The following SKAP2 variants were observed in gnomAD, a reference collection of about 807,000 sequenced individuals.
The protein encoded by SKAP2 is src kinase-associated phosphoprotein 2.
SKAP2 carries 28 observed loss-of-function variants against 54.9 expected under a neutral mutation model. The ratio of observed to expected loss-of-function variants is 0.51; its 90% CI spans 0.38 to 0.70. SKAP2 has a LOEUF of 0.70. SKAP2 is among the 30% of genes least tolerant of loss of function. SKAP2 has a pLI of 0.00. For missense variants in SKAP2, 356 were observed against 424.1 expected, an observed-to-expected ratio of 0.84 and a Z score of 1.41; for synonymous variants, 137 against 134.3, an observed-to-expected ratio of 1.02 and a Z score of -0.14.
At chr7:26,760,273 T>C (rs1782896948) in intron 4 of SKAP2, among the ~76,000 whole-genome samples, 1 of 152,126 alleles carries the variant, frequency 6.6e-6, no homozygotes, top group Admixed American at 6.5e-5. Context: ...GTCAAAGTAA[T>C]AGTAGAAAAT....
At chr7:26,730,075 G>A (rs1025991197) in intron 6 of SKAP2, among the ~76,000 whole-genome samples, 1 of 152,122 alleles carries the variant, frequency 6.6e-6, no homozygotes, top group Non-Finnish European at 1.5e-5. Context: ...TAACCATGAA[G>A]TAGCCATATC....
intron 11 of SKAP2, among the ~76,000 whole-genome samples, chr7:26,677,092 C>A (rs1786365234): frequency 6.6e-6 from 1 of 152,126 alleles, no homozygotes; most frequent in African/African-American, 2.4e-5. Context: ...GGCTGCCTAC[C>A]ATTCTCCAAG....
chr7:26,859,768 G>T (rs146108332), intron 1 of SKAP2, among the ~76,000 whole-genome samples: 2 of 152,122 alleles, frequency 1.3e-5, no homozygotes, highest in African/African-American at 4.8e-5. Context: ...TAACACATTA[G>T]TCTGAGATTT....
intron 4 of SKAP2, among the ~76,000 whole-genome samples, chr7:26,806,153 C>T (rs1283693274): frequency 6.6e-6 from 1 of 152,176 alleles, no homozygotes; most frequent in Non-Finnish European, 1.5e-5. Flanking sequence ...GTCTCTCTCC[C>T]TCTCCTTGGG....
intron 9 of SKAP2, among the ~76,000 whole-genome samples, chr7:26,705,709 T>G (rs1043279558): frequency 1.3e-5 from 2 of 152,174 alleles, no homozygotes; most frequent in African/African-American, 4.8e-5. Context: ...ATACACTACT[T>G]GGCATGTGTC....
chr7:26,814,440 A>G (rs1173241055), intron 4 of SKAP2, among the ~76,000 whole-genome samples: 2 of 152,082 alleles, frequency 1.3e-5, no homozygotes, highest in Non-Finnish European at 2.9e-5. Flanking sequence ...ACAGCAATTT[A>G]GCTGTATATT....
intron 11 of SKAP2, among the ~76,000 whole-genome samples, chr7:26,682,510 T>C (rs985310543): frequency 1.3e-5 from 2 of 152,216 alleles, no homozygotes; most frequent in Non-Finnish European, 1.5e-5. Flanking sequence ...TGAACCTTAT[T>C]CAGCCAAAGG....
chr7:26,659,305 T>C, the SKAP2 span, among the ~76,000 whole-genome samples: 1 of 152,146 alleles, frequency 6.6e-6, no homozygotes, highest in South Asian at 2.1e-4. Context: ...GGGCTCCATG[T>C]CCATCTCACT....
intron 1 of SKAP2, chr7:26,857,849 G>A (rs2127999298): frequency 4.5e-6 from 2 of 445,194 alleles, no homozygotes; most frequent in Non-Finnish European, 6.0e-6. Context: ...TTCTTATTGT[G>A]CTCTAAATAG....
At chr7:26,688,782 A>G (rs933698682) in intron 10 of SKAP2, among the ~76,000 whole-genome samples, 4 of 152,164 alleles carry the variant, frequency 2.6e-5, no homozygotes, top group African/African-American at 7.2e-5. Context: ...GAAAAATACA[A>G]TTGCTTTAAG....
chr7:26,754,871 T>C (rs756618086), intron 4 of SKAP2, among the ~76,000 whole-genome samples: 1 of 152,160 alleles, frequency 6.6e-6, no homozygotes. Flanking sequence ...TGCTCATAAA[T>C]ATGTGAAATA....
At chr7:26,833,948 G>A (rs1784653282) in intron 4 of SKAP2, among the ~76,000 whole-genome samples, 1 of 152,178 alleles carries the variant, frequency 6.6e-6, no homozygotes, top group Non-Finnish European at 1.5e-5. Flanking sequence ...ATAATTGGAA[G>A]TAAAACACTC....
At chr7:26,730,128 G>A (rs1203295328) in intron 6 of SKAP2, among the ~76,000 whole-genome samples, 3 of 152,134 alleles carry the variant, frequency 2.0e-5, no homozygotes, top group Non-Finnish European at 4.4e-5. Context: ...GACGTGAAAT[G>A]GGCAGACATG....
At chr7:26,828,585 G>A (rs540872410) in intron 4 of SKAP2, among the ~76,000 whole-genome samples, 2 of 151,562 alleles carry the variant, frequency 1.3e-5, no homozygotes, top group East Asian at 3.9e-4. Flanking sequence ...GCTGAGGCAG[G>A]AGAATGGCGT....
chr7:26,675,251 C>A (rs1584323663), intron 11 of SKAP2, among the ~76,000 whole-genome samples: 1 of 152,272 alleles, frequency 6.6e-6, no homozygotes, highest in East Asian at 1.9e-4. Context: ...TTTCCTGTCA[C>A]TGTTCTAGCT....
At chr7:26,728,185 A>G (rs927531371) in intron 6 of SKAP2, among the ~76,000 whole-genome samples, 2 of 152,140 alleles carry the variant, frequency 1.3e-5, no homozygotes, top group Non-Finnish European at 2.9e-5. Context: ...TCATGAAAAA[A>G]TTCTACAATA....
intron 4 of SKAP2, among the ~76,000 whole-genome samples, chr7:26,788,824 GCACA>G (rs143795258): frequency 5.3e-5 from 8 of 150,866 alleles, no homozygotes; most frequent in East Asian, 1.9e-4. Flanking sequence ...ACACACGTGC[GCACA>G]CACACACACA....
At chr7:26,732,835 A>G (rs952721282) in intron 6 of SKAP2, among the ~76,000 whole-genome samples, 35 of 152,196 alleles carry the variant, frequency 2.3e-4, no homozygotes. Context: ...ATATCAAACC[A>G]ACAACATTCG....
rs1242036670 is a variant in SKAP2 at position 26,669,035 on chromosome 7, C to T, written c.*631G>A. Reference sequence around the variant, plus strand: ...CTTTGCATGAGTCATACTTCTGGTACGCACTTCTGTTGCAGGTGACAGCAC... The same window carrying T: ...CTTTGCATGAGTCATACTTCTGGTATGCACTTCTGTTGCAGGTGACAGCAC... On this transcript the variant is annotated 3_prime_UTR_variant, in exon 13 of 13. Transcript: ENST00000345317. 5 of 152,104 alleles carry T rather than the reference C, an allele frequency of 3.3e-5. No homozygotes were observed. Among genetic ancestry groups the T allele is most frequent in the African/African-American group, 2.4e-5 (1 of 41,410 alleles). The allele number at this position is 152,104 out of a possible 1,614,324, so 9.4% of individuals were successfully genotyped here.
Sources: gnomAD v4.1 joint callset for allele counts (sites outside exome capture counted in the v4.1 genomes callset) on GRCh38, gnomAD v4.1.1 for gene constraint, MANE v1.5 for transcripts, NCBI Gene and HGNC (gene_info 2026-07-23, HGNC 2026-07-21) for gene names.